ZNF727: variants seen among roughly 807,000 people sequenced by gnomAD.
ZNF727 encodes the protein zinc finger protein 727.
Under a neutral mutation model 11.5 loss-of-function variants are expected in ZNF727, and 11 were observed. That is an observed-to-expected ratio of 0.95 (90% CI 0.60 to 1.58). The LOEUF is 1.58. ZNF727 is among the 40% of genes most tolerant of loss of function. The pLI, the probability that ZNF727 is intolerant of heterozygous loss-of-function variation, is 0.00. For synonymous variants in ZNF727, 171 were observed against 196.1 expected, an observed-to-expected ratio of 0.87 and a Z score of 1.07; for missense variants, 533 against 581.7, an observed-to-expected ratio of 0.92 and a Z score of 0.86.
rs368005256 is a variant in ZNF727, at chr7:64,075,346, TAA to T, written c.227-1929_227-1928del. On this transcript the variant is annotated intron_variant, in intron 3 of 3. Transcript: ENST00000456806. ...CATAATAAATATGTCCAGTATTATTTAAGTGCCTATTTCATCATATTTTCTCA... is the reference window on the plus strand; with the variant it reads ...CATAATAAATATGTCCAGTATTATTTGTGCCTATTTCATCATATTTTCTCA... Among the ~76,000 whole-genome samples, 53 of 152,250 alleles carry T rather than the reference TAA, an allele frequency of 3.5e-4. No homozygotes were observed. The South Asian group carries it at 9.5e-3, about 27-fold the overall frequency.
intron 1 of ZNF727, among the ~76,000 whole-genome samples, chr7:64,058,579 A>G (rs1458571170): frequency 6.6e-6 from 1 of 152,116 alleles, no homozygotes; most frequent in Non-Finnish European, 1.5e-5. Context: ...GCATAGACAC[A>G]GAAATAAGCC....
chr7:64,050,810 G>GTGTA (rs1189942114), intron 1 of ZNF727, among the ~76,000 whole-genome samples: 2 of 122,910 alleles, frequency 1.6e-5, no homozygotes, highest in Admixed American at 8.6e-5. Flanking sequence ...GTGTGTGTGT[G>GTGTA]TGTATGTATG....
At position 64,077,717 on chromosome 7, in the gene ZNF727, C is replaced by A; in HGVS notation, c.668C>A (p.Thr223Asn). The change falls in exon 4 of 4, where the codon ACT becomes AAT. Residue 223 changes from threonine (T) to asparagine (N), a missense_variant. By Grantham distance (65) the Thr-to-Asn change is moderately conservative. Transcript: ENST00000456806. ...SNLTEHNRVH[T>N]GKKPYKCEEC... ...CTTACTGAACATAATAGAGTTCATA[C>A]TGGAAAGAAACCCTACAAATGTGAA... The A allele has an allele frequency of 1.3e-6, 2 of 1,580,428 alleles. No individual in the cohort carries two copies. Among genetic ancestry groups the A allele is most frequent in the Non-Finnish European group, 1.7e-6 (2 of 1,162,734 alleles).
chr7:64,083,142 G>A lies in ZNF727; in HGVS notation c.*4593G>A, dbSNP rs1021145875. Among the ~76,000 whole-genome samples, 16 of 152,220 alleles carry A rather than the reference G, an allele frequency of 1.1e-4. No individual in the cohort carries two copies. The highest frequency in any genetic ancestry group is 3.6e-4 in the African/African-American group (15 of 41,458). ...GTTGGGAACTGCTTTGCAGTGAGGA[G>A]GAATGAGATTGGGGACCTGCTTTAA... On this transcript the variant is annotated 3_prime_UTR_variant, in exon 4 of 4. Coordinates refer to ENST00000456806, the MANE Select transcript of ZNF727 (RefSeq NM_001159522.3).
Position 64,080,879 on chromosome 7 carries a change from GT to G in ZNF727, c.*2336del, listed in dbSNP as rs1256272917. 1.1e-4 allele frequency among the ~76,000 whole-genome samples: 16 copies of G among 145,642 alleles called. No individual in the cohort carries two copies. Among genetic ancestry groups the G allele is most frequent in the African/African-American group, 2.8e-4 (11 of 38,774 alleles). On this transcript the variant is annotated 3_prime_UTR_variant, in exon 4 of 4. Coordinates refer to ENST00000456806, the MANE Select transcript of ZNF727 (RefSeq NM_001159522.3). ...TGTTCCTGGGAGTTTTTTGTTTTTT[GT>G]TTTTTGTTTTTGTTTTTTTTTTTGT...
chr7:64,077,248 A>C, intron 3 of ZNF727, 28 bp from the exon 4 acceptor site: 1 of 1,450,494 alleles, frequency 6.9e-7, no homozygotes, highest in Middle Eastern at 1.8e-4. Flanking sequence ...ATGAGGGAGA[A>C]ATTTTGTGGT....
Position 64,081,655 on chromosome 7 carries a change from G to A in ZNF727, c.*3106G>A, listed in dbSNP as rs988721224. On this transcript the variant is annotated 3_prime_UTR_variant, in exon 4 of 4. Transcript: ENST00000456806. ...GGTACCTGAGACTGCCCTGTAAGCA[G>A]TTGTGGCCAGACTGGATCCCTGGGA... Among the ~76,000 whole-genome samples, 3 of 152,298 alleles carry A rather than the reference G, an allele frequency of 2.0e-5. No homozygotes were observed. The highest frequency in any genetic ancestry group is 7.2e-5 in the African/African-American group (3 of 41,554).
intron 1 of ZNF727, among the ~76,000 whole-genome samples, chr7:64,064,302 G>A (rs777903127): frequency 7.9e-5 from 12 of 152,104 alleles, no homozygotes; most frequent in Non-Finnish European, 1.5e-4. Context: ...ATTCAAGGTC[G>A]AAGGTGATGA....
At chr7:64,059,609 A>G (rs1433145407) in intron 1 of ZNF727, among the ~76,000 whole-genome samples, 6 of 152,148 alleles carry the variant, frequency 3.9e-5, no homozygotes, top group African/African-American at 1.2e-4. Flanking sequence ...TTCTGCCTTT[A>G]CTTCCTGACT....
intron 3 of ZNF727, among the ~76,000 whole-genome samples, chr7:64,076,487 C>G (rs553362634): frequency 6.6e-6 from 1 of 152,180 alleles, no homozygotes; most frequent in African/African-American, 2.4e-5. Flanking sequence ...CGCCTATAAT[C>G]TTAGCTACTC....
At position 64,045,496 on chromosome 7, in the gene ZNF727, C is replaced by T; in HGVS notation, c.-126C>T. The T allele has an allele frequency of 1.5e-6, 2 of 1,307,950 alleles. No homozygotes were observed. The highest frequency in any genetic ancestry group is 1.1e-6 in the Non-Finnish European group (1 of 925,908). 81.0% of individuals were successfully genotyped at this position (1,307,950 alleles called of 1,614,324 possible). On this transcript the variant is annotated 5_prime_UTR_variant, in exon 1 of 4. Coordinates refer to ENST00000456806, the MANE Select transcript of ZNF727 (RefSeq NM_001159522.3). ...TCTAGGCTCTGAGTCCAGTACCCGT[C>T]TGTACTATTCCATCTCTTCCGCTCC...
In ZNF727 at chr7:64,069,007, G is replaced by C; in HGVS notation, c.120G>C (p.Leu40=). ...TGATGTTAGAGAACTACGGAAACCT[G>C]TTCTCCTTGGGTGAGAATAACTTCA... The part of the protein sequence containing the change: ...RDVMLENYGN[L]FSLGLAIFKP... The change falls in exon 2 of 4, where the codon CTG becomes CTC. Residue 40 remains leucine, a synonymous_variant. Transcript: ENST00000456806. 6.2e-7 allele frequency: 1 copy of C among 1,601,072 alleles called. No homozygotes were observed. The highest frequency in any genetic ancestry group is 8.5e-7 in the Non-Finnish European group (1 of 1,173,592).
chr7:64,058,667 A>G (rs1355433574), intron 1 of ZNF727, among the ~76,000 whole-genome samples: 2 of 152,206 alleles, frequency 1.3e-5, no homozygotes, highest in East Asian at 1.9e-4. Context: ...TCCCCTGCCC[A>G]TAGGTCCTGT....
At chr7:64,049,872 A>C (rs1242178168) in intron 1 of ZNF727, among the ~76,000 whole-genome samples, 1 of 151,514 alleles carries the variant, frequency 6.6e-6, no homozygotes, top group Non-Finnish European at 1.5e-5. Flanking sequence ...ACACATTACA[A>C]AACAATTAGT....
In ZNF727 at chr7:64,078,265, AC is replaced by A. The variant is rs774935528; in HGVS notation, c.1218del (p.Cys407AlafsTer15). ...ATGTGAAGAATGTGGCAAAAGCTTT[AC>A]CTGCTCCTCAAACCTTATTAAACAC... The part of the protein sequence containing the change: ...YKCEECGKSF[T>X]CSSNLIKHKR... On this transcript the variant is annotated frameshift_variant, in exon 4 of 4. Transcript: ENST00000456806. LOFTEE classifies it low-confidence loss of function (END_TRUNC). 4.6e-5 allele frequency: 73 copies of A among 1,602,070 alleles called. No homozygotes were observed. Among genetic ancestry groups the A allele is most frequent in the Non-Finnish European group, 6.0e-5 (71 of 1,174,116 alleles).
At chr7:64,070,415 C>T (rs1472129667) in intron 3 of ZNF727, among the ~76,000 whole-genome samples, 1 of 148,446 alleles carries the variant, frequency 6.7e-6, no homozygotes, top group Non-Finnish European at 1.5e-5. Flanking sequence ...ATAAAGCTTA[C>T]TGTGACTGTG....
Position 64,050,071 on chromosome 7 carries a change from C to CTA in ZNF727, c.3+4459_3+4460dup, listed in dbSNP as rs918988300. 3.2e-4 allele frequency among the ~76,000 whole-genome samples: 48 copies of CTA among 151,258 alleles called. 1 individual carries two copies. Among genetic ancestry groups the CTA allele is most frequent in the Admixed American group, 9.2e-4 (14 of 15,188 alleles). ...AAACTTTCTACATATATATATTTTTCTATATATATATATTTCGCTGAGAAG... is the reference window on the plus strand; with the variant it reads ...AAACTTTCTACATATATATATTTTTCTATATATATATATATTTCGCTGAGAAG... On this transcript the variant is annotated intron_variant, in intron 1 of 3. Coordinates refer to ENST00000456806, the MANE Select transcript of ZNF727 (RefSeq NM_001159522.3).
chr7:64,064,944 G>T (rs1198355610), intron 1 of ZNF727, among the ~76,000 whole-genome samples: 1 of 152,094 alleles, frequency 6.6e-6, no homozygotes, highest in Non-Finnish European at 1.5e-5. Flanking sequence ...GCTGCTATTG[G>T]CAATTAACAG....
chr7:64,062,057 T>C (rs1789780529), intron 1 of ZNF727, among the ~76,000 whole-genome samples: 2 of 152,222 alleles, frequency 1.3e-5, no homozygotes, highest in South Asian at 4.1e-4. Context: ...CTTATTATGC[T>C]GTCTATGTCT....
Sources: allele counts gnomAD v4.1 joint callset (sites outside exome capture counted in the v4.1 genomes callset), GRCh38; gene constraint gnomAD v4.1.1; transcripts MANE v1.5; gene names NCBI Gene and HGNC (gene_info 2026-07-23, HGNC 2026-07-21).